The following ARHGEF12 variants were observed in gnomAD, a reference collection of about 807,000 sequenced individuals.
ARHGEF12 encodes Rho guanine nucleotide exchange factor 12, also known as KMT2A/ARHGEF12 fusion protein.
ARHGEF12 carries 66 observed loss-of-function variants against 211.2 expected under a neutral mutation model. The observed-to-expected ratio is 0.31, with a 90% CI of 0.26 to 0.38. The LOEUF (loss-of-function observed/expected upper bound fraction) is 0.38, where lower values mean the gene tolerates loss of function less well. Among genes scored for constraint, ARHGEF12 ranks in the 10% least tolerant of loss-of-function variants. The pLI, the probability that ARHGEF12 is intolerant of heterozygous loss-of-function variation, is 1.00. For missense variants in ARHGEF12, 1,429 were observed against 1,869.5 expected (o/e 0.76, Z 4.34); for synonymous variants, 592 against 638.4 (o/e 0.93, Z 1.09).
chr11:120,443,021 CTTTTT>C (rs371200953), intron 15 of ARHGEF12, among the ~76,000 whole-genome samples: 2 of 133,694 alleles, frequency 1.5e-5, no homozygotes, highest in Admixed American at 7.7e-5. Context: ...GAGTGACTGT[CTTTTT>C]TTTTTTTTTT....
chr11:120,340,005 A>C (rs368313985), intron 1 of ARHGEF12, among the ~76,000 whole-genome samples: 1 of 152,202 alleles, frequency 6.6e-6, no homozygotes. Flanking sequence ...TATTACTTCT[A>C]TGTAGTATAT....
chr11:120,477,633 G>T, intron 36 of ARHGEF12, 107 bp downstream of exon 36: 1 of 1,016,306 alleles, frequency 9.8e-7, no homozygotes, highest in Non-Finnish European at 1.5e-6. Flanking sequence ...GGGAGGTCGA[G>T]ATAGGCGTAT....
chr11:120,416,035 G>T (rs906581817), intron 4 of ARHGEF12, among the ~76,000 whole-genome samples: 1 of 152,148 alleles, frequency 6.6e-6, no homozygotes, highest in Non-Finnish European at 1.5e-5. Context: ...GTAGAATTAA[G>T]AGGGAAGGTT....
chr11:120,437,436 A>T lies in ARHGEF12; in HGVS notation c.999+54A>T, dbSNP rs539010008. 172 of 1,400,452 alleles carry T rather than the reference A, an allele frequency of 1.2e-4. 1 individual carries two copies. Among genetic ancestry groups the T allele is most frequent in the Middle Eastern group, 1.8e-4 (1 of 5,594 alleles). The allele number at this position is 1,400,452 out of a possible 1,614,324, so 86.8% of individuals were successfully genotyped here. A position where few individuals can be genotyped will look rare whatever the true frequency, so the allele number is the denominator to read the frequency against. ...GCTGTCTTTGGCTTTCCTTATACTT[A>T]AAGTATGGTATAGACACATCTGATG... On this transcript the variant is annotated intron_variant, in intron 12 of 40. Transcript: ENST00000397843.
At chr11:120,339,288 G>A (rs1591472269) in intron 1 of ARHGEF12, among the ~76,000 whole-genome samples, 1 of 151,792 alleles carries the variant, frequency 6.6e-6, no homozygotes, top group Non-Finnish European at 1.5e-5. Context: ...TAAATATAAA[G>A]CATCCATTTG....
At chr11:120,343,338 C>A (rs146760232) in intron 1 of ARHGEF12, among the ~76,000 whole-genome samples, 195 of 152,156 alleles carry the variant, frequency 1.3e-3, no homozygotes, top group African/African-American at 4.3e-3. Context: ...TGCAAACATG[C>A]CAAATTTAGA....
chr11:120,354,426 T>TG (rs1324784144), intron 1 of ARHGEF12, among the ~76,000 whole-genome samples: 1 of 152,184 alleles, frequency 6.6e-6, no homozygotes, highest in Non-Finnish European at 1.5e-5. Context: ...AGAGAGACCA[T>TG]GGGGGTCCCA....
At chr11:120,445,389 G>A (rs752473200) in intron 15 of ARHGEF12, 33 bp from the exon 16 acceptor site, 21 of 1,611,782 alleles carry the variant, frequency 1.3e-5, no homozygotes, top group Middle Eastern at 1.6e-4. Context: ...TATCTTTAGC[G>A]TTGTTACACC....
rs1442382900 is a variant in ARHGEF12 at position 120,446,320 on chromosome 11, G to A, written c.1346-83G>A. ...CCTCTGGCATATTCTAAGTTAATTT[G>A]TACGAAGTAGCATTGCTATGTTGCC... On this transcript the variant is annotated intron_variant, in intron 16 of 40. Coordinates refer to ENST00000397843, the MANE Select transcript of ARHGEF12 (RefSeq NM_015313.3). 4.1e-6 allele frequency: 4 copies of A among 971,292 alleles called. No homozygotes were observed. In the East Asian group the frequency reaches 8.1e-5, roughly 20 times the overall value. 60.2% of individuals were successfully genotyped at this position (971,292 alleles called of 1,614,324 possible). A position where few individuals can be genotyped will look rare whatever the true frequency, so the allele number is the denominator to read the frequency against.
At chr11:120,337,927 A>C in intron 1 of ARHGEF12, 1 of 984,116 alleles carries the variant, frequency 1.0e-6, no homozygotes, top group South Asian at 4.7e-5. Context: ...TTCCAGAAAC[A>C]CTTGGCGTTT....
intron 1 of ARHGEF12, among the ~76,000 whole-genome samples, chr11:120,402,313 C>A (rs1030622009): frequency 6.6e-6 from 1 of 152,074 alleles, no homozygotes; most frequent in Non-Finnish European, 1.5e-5. Context: ...GATGGTTGAG[C>A]CTTAAAATTA....
chr11:120,386,180 T>TG (rs1591528824), intron 1 of ARHGEF12, among the ~76,000 whole-genome samples: 2 of 152,188 alleles, frequency 1.3e-5, no homozygotes, highest in East Asian at 3.8e-4. Context: ...GTTGCTGTGA[T>TG]GGCACTGGAA....
intron 2 of ARHGEF12, among the ~76,000 whole-genome samples, chr11:120,407,425 T>G (rs1221311853): frequency 4.6e-5 from 7 of 152,192 alleles, no homozygotes; most frequent in Admixed American, 3.9e-4. Flanking sequence ...GTGTTTTTTT[T>G]GTCTGTTAAA....
At chr11:120,465,108 C>T (rs1488600852) in intron 27 of ARHGEF12, 129 bp from the exon 28 acceptor site, 3 of 1,172,602 alleles carry the variant, frequency 2.6e-6, no homozygotes, top group African/African-American at 1.5e-5. Flanking sequence ...TGATATTCCA[C>T]ATAGATATGC....
chr11:120,457,017 C>A, intron 22 of ARHGEF12, 101 bp from the exon 23 acceptor site: 1 of 1,060,884 alleles, frequency 9.4e-7, no homozygotes, highest in Non-Finnish European at 1.3e-6. Context: ...AAGAATGTAG[C>A]TATGGATTAG....
At chr11:120,427,932 A>G in intron 7 of ARHGEF12, 137 bp from the exon 8 acceptor site, 1 of 621,896 alleles carries the variant, frequency 1.6e-6, no homozygotes, top group Non-Finnish European at 2.5e-6. Context: ...TGGAGACATG[A>G]TGTAGCAGAT....
At chr11:120,379,067 T>C (rs956535297) in intron 1 of ARHGEF12, among the ~76,000 whole-genome samples, 1 of 152,152 alleles carries the variant, frequency 6.6e-6, no homozygotes, top group African/African-American at 2.4e-5. Flanking sequence ...AAATTAGGTC[T>C]CCCAATCCAT....
intron 1 of ARHGEF12, among the ~76,000 whole-genome samples, chr11:120,364,245 C>T (rs1943361016): frequency 6.6e-6 from 1 of 152,292 alleles, no homozygotes; most frequent in Non-Finnish European, 1.5e-5. Context: ...AGAAAAATCC[C>T]TTAGCCCATC....
At chr11:120,388,667 G>A (rs987894050) in intron 1 of ARHGEF12, among the ~76,000 whole-genome samples, 1 of 152,128 alleles carries the variant, frequency 6.6e-6, no homozygotes, top group African/African-American at 2.4e-5. Flanking sequence ...CTGTGTGTGT[G>A]ATGGTATCAT....
Sources: allele counts gnomAD v4.1 joint callset (sites outside exome capture counted in the v4.1 genomes callset), GRCh38; gene constraint gnomAD v4.1.1; transcripts MANE v1.5; gene names NCBI Gene and HGNC (gene_info 2026-07-23, HGNC 2026-07-21).